PRKCE: variants seen among roughly 807,000 people sequenced by gnomAD.
PRKCE encodes protein kinase C epsilon.
A neutral mutation model predicts 85.4 loss-of-function variants in PRKCE; 16 were observed. The ratio of observed to expected loss-of-function variants is 0.19; its 90% CI spans 0.13 to 0.28. The LOEUF is 0.28. Among genes scored for constraint, PRKCE ranks in the 10% least tolerant of loss-of-function variants. The pLI is 1.00. For missense variants in PRKCE, 573 were observed against 975.2 expected, an observed-to-expected ratio of 0.59 and a Z score of 5.49; for synonymous variants, 388 against 371.5, an observed-to-expected ratio of 1.04 and a Z score of -0.51.
At chr2:45,777,304 T>C (rs868175196) in intron 1 of PRKCE, among the ~76,000 whole-genome samples, 2 of 152,070 alleles carry the variant, frequency 1.3e-5, no homozygotes, top group African/African-American at 4.8e-5. Flanking sequence ...GTCAGCACCT[T>C]GGTCCCCCTT....
At chr2:46,025,719 C>T (rs946389031) in intron 10 of PRKCE, among the ~76,000 whole-genome samples, 1 of 152,208 alleles carries the variant, frequency 6.6e-6, no homozygotes, top group African/African-American at 2.4e-5. Flanking sequence ...CACAGGAGCA[C>T]AGTGGCAAGG....
In PRKCE at chr2:46,041,372, A is replaced by G. The variant is rs1161068125; in HGVS notation, c.1437+30855A>G. Among the ~76,000 whole-genome samples the G allele has an allele frequency of 6.6e-6, 1 of 152,224 alleles. No homozygotes were observed. Among genetic ancestry groups the G allele is most frequent in the African/African-American group, 2.4e-5 (1 of 41,450 alleles). On this transcript the variant is annotated intron_variant, in intron 10 of 14. Transcript: ENST00000306156. This position sits in a 1 kb window ranked among gnomAD's most constrained non-coding sequence, Gnocchi z 5.5. ...ATGCTTTGATTTTCTTAAGTCATGT[A>G]TATTTATAGAGCCACATACACCTGT... is the stretch of plus-strand genomic sequence containing the variant.
intron 1 of PRKCE, among the ~76,000 whole-genome samples, chr2:45,803,161 A>G (rs1256753116): frequency 6.6e-6 from 1 of 152,260 alleles, no homozygotes; most frequent in Non-Finnish European, 1.5e-5. Flanking sequence ...TAGAGGAATC[A>G]TTAATAAACA....
At chr2:46,183,154 G>A (rs1680163236) in intron 14 of PRKCE, among the ~76,000 whole-genome samples, 1 of 152,230 alleles carries the variant, frequency 6.6e-6, no homozygotes. Context: ...GCTCTCAGGA[G>A]AGGTGTTCAT....
In PRKCE at chr2:46,145,236, G is replaced by C; in HGVS notation, c.1731+5G>C. 1.3e-6 allele frequency: 2 copies of C among 1,599,670 alleles called. No homozygotes were observed. The highest frequency in any genetic ancestry group is 1.7e-6 in the Non-Finnish European group (2 of 1,179,940). ...CCTGACTACATAGCTCCTGAGGTAA[G>C]ACCTGTGTGCAAAGGTTCACCTCCT... On this transcript the variant is annotated splice_donor_5th_base_variant and intron_variant, in intron 12 of 14. Transcript: ENST00000306156. The surrounding 1 kb of genome is among the most constrained non-coding windows in gnomAD (Gnocchi z 4.6).
chr2:45,979,693 T>G (rs2104557279), intron 4 of PRKCE, among the ~76,000 whole-genome samples: 1 of 152,320 alleles, frequency 6.6e-6, no homozygotes, highest in East Asian at 1.9e-4. Flanking sequence ...CTGGTGGAAG[T>G]TGCTGTTCCT....
chr2:45,777,171 G>A (rs1558660001), intron 1 of PRKCE, among the ~76,000 whole-genome samples: 1 of 152,188 alleles, frequency 6.6e-6, no homozygotes, highest in Non-Finnish European at 1.5e-5. Context: ...ATGAAAGCAT[G>A]AAATAGTGGG....
chr2:46,057,836 C>G (rs1666739206), intron 10 of PRKCE, among the ~76,000 whole-genome samples: 1 of 152,138 alleles, frequency 6.6e-6, no homozygotes, highest in East Asian at 1.9e-4. Flanking sequence ...GTCTCCCTCA[C>G]CAAGCTGTTG....
intron 2 of PRKCE, among the ~76,000 whole-genome samples, chr2:45,878,987 C>T (rs531516539): frequency 1.2e-4 from 18 of 152,290 alleles, no homozygotes; most frequent in African/African-American, 2.9e-4. Flanking sequence ...AAATTCTAGA[C>T]GGAAAAGGGC....
Position 46,138,974 on chromosome 2 carries a change from G to T in PRKCE, c.1593-6119G>T, listed in dbSNP as rs562730847. Reference sequence around the variant, plus strand: ...ATCCCAGTTGGCTCTTGGCACTGGGGGAGGAAGTGGGGTTCCATGGAAGTT... The same window carrying T: ...ATCCCAGTTGGCTCTTGGCACTGGGTGAGGAAGTGGGGTTCCATGGAAGTT... On this transcript the variant is annotated intron_variant, in intron 11 of 14. Transcript: ENST00000306156. This position sits in a 1 kb window ranked among gnomAD's most constrained non-coding sequence, Gnocchi z 4.2. Among the ~76,000 whole-genome samples, 12 of 152,296 alleles carry T rather than the reference G, an allele frequency of 7.9e-5. No homozygotes were observed. The highest frequency in any genetic ancestry group is 7.8e-4 in the Admixed American group (12 of 15,300).
At chr2:45,737,007 C>T (rs893555207) in intron 1 of PRKCE, among the ~76,000 whole-genome samples, 10 of 152,136 alleles carry the variant, frequency 6.6e-5, no homozygotes, top group Non-Finnish European at 1.3e-4. Context: ...AGGGAGCTGC[C>T]GCCTTCAGGA....
At position 45,830,201 on chromosome 2, in the gene PRKCE, C is replaced by T. The variant is rs569500168; in HGVS notation, c.349-12799C>T. 4.9e-4 allele frequency among the ~76,000 whole-genome samples: 75 copies of T among 152,134 alleles called. 1 individual carries two copies. The South Asian group carries it at 0.015, about 30-fold the overall frequency. ...AGAAACCAATTTCTCATTCAGGGAC[C>T]CATGCTCTAATGGCCAGATCCCACC... On this transcript the variant is annotated intron_variant, in intron 1 of 14. Transcript: ENST00000306156.
chr2:46,122,755 G>A (rs1574527222), intron 11 of PRKCE, among the ~76,000 whole-genome samples: 2 of 152,066 alleles, frequency 1.3e-5, no homozygotes, highest in African/African-American at 4.8e-5. Context: ...AAGGTAGATA[G>A]CATTGTCCCC....
chr2:45,659,215 T>A (rs1159173328), intron 1 of PRKCE, among the ~76,000 whole-genome samples: 1 of 152,180 alleles, frequency 6.6e-6, no homozygotes, highest in East Asian at 1.9e-4. Flanking sequence ...CTCCTCAATC[T>A]AAGCCCTTCT....
Position 45,847,966 on chromosome 2 carries a change from G to C in PRKCE, c.412+4903G>C, listed in dbSNP as rs536817584. ...ATGGCTAAGTCTTGGTCTGAAACTA[G>C]ACCTGACTCAAATCCCAGCAGGTTA... On this transcript the variant is annotated intron_variant, in intron 2 of 14. Transcript: ENST00000306156. 3.3e-5 allele frequency among the ~76,000 whole-genome samples: 5 copies of C among 152,302 alleles called. No individual in the cohort carries two copies. In the South Asian group the frequency reaches 8.3e-4, roughly 25 times the overall value.
At chr2:45,700,894 C>T (rs1008055561) in intron 1 of PRKCE, among the ~76,000 whole-genome samples, 17 of 152,304 alleles carry the variant, frequency 1.1e-4, no homozygotes, top group African/African-American at 4.1e-4. Context: ...AGGAGCTGTG[C>T]TCCCGTAAAC....
chr2:45,833,040 C>T (rs62127192), intron 1 of PRKCE, among the ~76,000 whole-genome samples: 63,098 of 150,576 alleles, frequency 0.42, 13,762 homozygotes, highest in Middle Eastern at 0.55. Context: ...AATATCAGCC[C>T]GGTGTGGTGG....
At chr2:45,666,816 A>G (rs978196915) in intron 1 of PRKCE, among the ~76,000 whole-genome samples, 3 of 152,158 alleles carry the variant, frequency 2.0e-5, no homozygotes, top group Non-Finnish European at 2.9e-5. Context: ...TGCCCCACAC[A>G]TAACAGATGC....
chr2:45,807,626 C>T (rs908981891), intron 1 of PRKCE, among the ~76,000 whole-genome samples: 3 of 152,224 alleles, frequency 2.0e-5, no homozygotes, highest in African/African-American at 7.2e-5. Context: ...TCTCCCAGAG[C>T]TCCCACCTGC....
Sources: gnomAD v4.1 joint callset for allele counts (sites outside exome capture counted in the v4.1 genomes callset) on GRCh38, gnomAD v4.1.1 for gene constraint, Gnocchi (gnomAD v3.1) non-coding constraint, MANE v1.5 for transcripts, NCBI Gene and HGNC (gene_info 2026-07-23, HGNC 2026-07-21) for gene names.